The following UNC5C variants were observed in gnomAD, a reference collection of about 807,000 sequenced individuals.
The protein encoded by UNC5C is netrin receptor UNC5C.
A neutral mutation model predicts 99.8 loss-of-function variants in UNC5C; 47 were observed. The ratio of observed to expected loss-of-function variants is 0.47; its 90% CI spans 0.37 to 0.60. The LOEUF (loss-of-function observed/expected upper bound fraction) is 0.60. Ranked by LOEUF, UNC5C falls within the 20% of genes least tolerant of loss-of-function variation. The pLI is 0.00. For synonymous variants in UNC5C, 487 were observed against 452.2 expected, an observed-to-expected ratio of 1.08 and a Z score of -0.98; for missense variants, 1,062 against 1,165.9, an observed-to-expected ratio of 0.91 and a Z score of 1.30.
chr4:95,457,762 G>T (rs916921489), intron 1 of UNC5C, among the ~76,000 whole-genome samples: 1 of 151,988 alleles, frequency 6.6e-6, no homozygotes, highest in Non-Finnish European at 1.5e-5. Context: ...AAAGACTGAT[G>T]GTCTTTTTAA....
Position 95,220,045 on chromosome 4 carries a change from T to C in UNC5C, c.1240A>G (p.Ile414Val), listed in dbSNP as rs375351610. Residue 414 changes from isoleucine (I) to valine (V), a missense_variant, in exon 8 of 16, where the codon ATT becomes GTT. Around this residue, in one of 3 missense-constraint regions of UNC5C, gnomAD observed 810 missense variants for 854.5 expected, o/e 0.95. Transcript: ENST00000453304. ...CCCCCATTGAGTGCCGAAGAGTCAA[T>C]AATATCTGACTCAAAGTCACGATGA... is the stretch of plus-strand genomic sequence containing the variant. ...KNHRDFESDI[I>V]DSSALNGGFQ... The C allele has an allele frequency of 6.8e-6, 11 of 1,614,014 alleles. No homozygotes were observed. Among genetic ancestry groups the C allele is most frequent in the African/African-American group, 1.3e-5 (1 of 74,900 alleles).
intron 12 of UNC5C, among the ~76,000 whole-genome samples, chr4:95,189,693 C>T (rs1302878432): frequency 6.6e-6 from 1 of 152,148 alleles, no homozygotes; most frequent in African/African-American, 2.4e-5. Context: ...TATGAACAGA[C>T]ACTTCTCAAA....
intron 12 of UNC5C, among the ~76,000 whole-genome samples, chr4:95,198,092 ACT>A (rs1268846791): frequency 1.3e-5 from 2 of 148,806 alleles, no homozygotes; most frequent in African/African-American, 5.0e-5. Context: ...GGTTCAAGCA[ACT>A]CTCCCACCTC....
At chr4:95,332,051 C>G (rs1000062375) in intron 2 of UNC5C, among the ~76,000 whole-genome samples, 2 of 152,232 alleles carry the variant, frequency 1.3e-5, no homozygotes, top group African/African-American at 4.8e-5. Context: ...CTACAAACCA[C>G]TGCTCAATGA....
At chr4:95,254,172 T>G (rs963319755) in intron 4 of UNC5C, among the ~76,000 whole-genome samples, 1 of 151,922 alleles carries the variant, frequency 6.6e-6, no homozygotes, top group Non-Finnish European at 1.5e-5. Context: ...TTTTGACTCT[T>G]TTTTTGTTTG....
intron 1 of UNC5C, among the ~76,000 whole-genome samples, chr4:95,392,571 T>G (rs983334969): frequency 3.3e-5 from 5 of 151,998 alleles, no homozygotes; most frequent in African/African-American, 1.2e-4. Context: ...TAGCTGGGAC[T>G]ACAGGCATGC....
At chr4:95,524,304 CA>C (rs1467212949) in intron 1 of UNC5C, among the ~76,000 whole-genome samples, 1 of 152,118 alleles carries the variant, frequency 6.6e-6, no homozygotes, top group African/African-American at 2.4e-5. Flanking sequence ...GCCTCATCTT[CA>C]ACACTTCTCT....
At chr4:95,389,736 A>G (rs1304545761) in intron 1 of UNC5C, among the ~76,000 whole-genome samples, 1 of 152,112 alleles carries the variant, frequency 6.6e-6, no homozygotes, top group African/African-American at 2.4e-5. Flanking sequence ...TTTAAAATCC[A>G]CATTTGATGT....
chr4:95,240,985 A>G (rs1003328685), intron 7 of UNC5C, among the ~76,000 whole-genome samples: 2 of 152,244 alleles, frequency 1.3e-5, no homozygotes, highest in Non-Finnish European at 2.9e-5. Flanking sequence ...TTGAAATAGT[A>G]CATTGAGAGA....
intron 7 of UNC5C, among the ~76,000 whole-genome samples, chr4:95,230,182 A>ACAG (rs1169678586): frequency 1.3e-5 from 2 of 151,982 alleles, no homozygotes; most frequent in African/African-American, 4.8e-5. Flanking sequence ...TTCGATTTGC[A>ACAG]TTTCTCTAAT....
At chr4:95,472,503 G>A (rs1269626057) in intron 1 of UNC5C, among the ~76,000 whole-genome samples, 1 of 151,998 alleles carries the variant, frequency 6.6e-6, no homozygotes, top group Admixed American at 6.6e-5. Context: ...TCTTTTTCAT[G>A]TATTTAAATA....
chr4:95,481,185 A>G (rs1453570807), intron 1 of UNC5C, among the ~76,000 whole-genome samples: 1 of 151,996 alleles, frequency 6.6e-6, no homozygotes, highest in African/African-American at 2.4e-5. Context: ...ATCAATGTAC[A>G]AAAATCACAA....
intron 1 of UNC5C, among the ~76,000 whole-genome samples, chr4:95,386,887 A>G (rs1170464342): frequency 6.6e-6 from 1 of 152,170 alleles, no homozygotes; most frequent in Non-Finnish European, 1.5e-5. Flanking sequence ...GTGGACATTC[A>G]TATGGGTTAT....
intron 1 of UNC5C, among the ~76,000 whole-genome samples, chr4:95,371,230 G>A (rs1542616): frequency 0.24 from 36,468 of 151,850 alleles, 4,915 homozygotes; most frequent in African/African-American, 0.33. Flanking sequence ...GTTTCATAAC[G>A]TTTCTCCATA....
chr4:95,248,598 C>T (rs1317687483), intron 5 of UNC5C: 1 of 451,830 alleles, frequency 2.2e-6, no homozygotes, highest in Non-Finnish European at 4.4e-6. Flanking sequence ...TGATCTTGAG[C>T]CCGCTGTTTC....
intron 12 of UNC5C, among the ~76,000 whole-genome samples, chr4:95,199,173 CAG>C (rs1737552866): frequency 6.6e-6 from 1 of 152,004 alleles, no homozygotes; most frequent in African/African-American, 2.4e-5. Context: ...TTCTGGGCAA[CAG>C]TGGTTAGAGA....
chr4:95,359,305 A>G (rs537280070), intron 1 of UNC5C, among the ~76,000 whole-genome samples: 2 of 152,324 alleles, frequency 1.3e-5, no homozygotes, highest in South Asian at 4.1e-4. Flanking sequence ...ACAAATAAAC[A>G]GAAAATAATG....
At chr4:95,373,619 C>T (rs13117954) in intron 1 of UNC5C, among the ~76,000 whole-genome samples, 14,027 of 152,150 alleles carry the variant, frequency 0.092, 712 homozygotes, top group Non-Finnish European at 0.11. Flanking sequence ...GTTTGTTTCG[C>T]GGCTGTATCC....
rs960010505 is a variant in UNC5C, at chr4:95,313,936, G to T, written c.347-12187C>A. On this transcript the variant is annotated intron_variant, in intron 2 of 15. Coordinates refer to ENST00000453304, the MANE Select transcript of UNC5C (RefSeq NM_003728.4). Reference sequence around the variant, plus strand: ...GCAAATCTTAAATTCATCAAACCTTGGTCTCCCATCTTGTGAAATAAGACT... The same window carrying T: ...GCAAATCTTAAATTCATCAAACCTTTGTCTCCCATCTTGTGAAATAAGACT... Among the ~76,000 whole-genome samples, 10 of 152,066 alleles carry T rather than the reference G, an allele frequency of 6.6e-5. 1 individual carries two copies. The highest frequency in any genetic ancestry group is 2.2e-4 in the African/African-American group (9 of 41,406).
Sources: gnomAD v4.1 joint callset for allele counts (sites outside exome capture counted in the v4.1 genomes callset) on GRCh38, gnomAD v4.1.1 for gene constraint, gnomAD v4.1.1 regional missense constraint, MANE v1.5 for transcripts, NCBI Gene and HGNC (gene_info 2026-07-23, HGNC 2026-07-21) for gene names.